UCHL5: variants seen among roughly 807,000 people sequenced by gnomAD.
UCHL5 encodes the protein ubiquitin C-terminal hydrolase L5.
UCHL5 carries 34 observed loss-of-function variants against 53.8 expected under a neutral mutation model. That is an observed-to-expected ratio of 0.63 (90% CI 0.48 to 0.84). UCHL5 has a LOEUF of 0.84. Among genes scored for constraint, UCHL5 ranks in the 40% least tolerant of loss-of-function variants. The pLI is 0.00. For missense variants in UCHL5, 290 were observed against 385.6 expected (o/e 0.75, Z 2.08); for synonymous variants, 111 against 126.3 (o/e 0.88, Z 0.81).
At chr1:193,026,688 G>C in intron 7 of UCHL5, among the ~76,000 whole-genome samples, 1 of 149,770 alleles carries the variant, frequency 6.7e-6, no homozygotes, top group Non-Finnish European at 1.5e-5. Flanking sequence ...GAGTTTGGTA[G>C]TTTCTTAAAA....
intron 3 of UCHL5, among the ~76,000 whole-genome samples, chr1:193,037,151 C>T (rs952152602): frequency 6.6e-6 from 1 of 151,132 alleles, no homozygotes; most frequent in Non-Finnish European, 1.5e-5. Flanking sequence ...AAGATCAGAG[C>T]AGAAATCAAT....
rs771001053 is a variant in UCHL5, at chr1:193,059,303, C to T, written c.-43G>A. On this transcript the variant is annotated 5_prime_UTR_variant, in exon 1 of 11. Coordinates refer to ENST00000367454, the MANE Select transcript of UCHL5 (RefSeq NM_001199261.3). This position sits in a 1 kb window ranked among gnomAD's most constrained non-coding sequence, Gnocchi z 4.9. ...GCCCCGATCCACCTCTCGCTCTCAG[C>T]TGCCCCCCGCACCAGCTGCCGCCGG... The T allele has an allele frequency of 1.9e-6, 3 of 1,610,360 alleles. No homozygotes were observed. Among genetic ancestry groups the T allele is most frequent in the South Asian group, 2.2e-5 (2 of 90,596 alleles).
chr1:193,036,566 T>C (rs1284002379), intron 3 of UCHL5, among the ~76,000 whole-genome samples: 1 of 151,954 alleles, frequency 6.6e-6, no homozygotes, highest in African/African-American at 2.4e-5. Context: ...CTCTGACAGA[T>C]CATGCAAACA....
chr1:193,038,324 C>T (rs1664315937), intron 3 of UCHL5, among the ~76,000 whole-genome samples: 2 of 151,896 alleles, frequency 1.3e-5, no homozygotes, highest in South Asian at 4.2e-4. Context: ...GGCATGGTGG[C>T]GGACGCCTGT....
chr1:193,016,345 A>T lies in UCHL5; in HGVS notation c.*6T>A. On this transcript the variant is annotated 3_prime_UTR_variant, in exon 11 of 11. Coordinates refer to ENST00000367454, the MANE Select transcript of UCHL5 (RefSeq NM_001199261.3). ...AGCAGAAATGTGTACATATCTGAAA[A>T]CATCTTCATTTGGTTTCCTGAGCTT... The T allele has an allele frequency of 1.2e-6, 2 of 1,604,916 alleles. No homozygotes were observed. Among genetic ancestry groups the T allele is most frequent in the Admixed American group, 3.5e-5 (2 of 57,508 alleles).
intron 7 of UCHL5, among the ~76,000 whole-genome samples, chr1:193,027,487 C>A (rs1558036386): frequency 6.6e-6 from 1 of 151,992 alleles, no homozygotes; most frequent in Non-Finnish European, 1.5e-5. Context: ...GAGTTTGAGA[C>A]AAGCCTGGAG....
chr1:193,040,316 T>A (rs992616975), intron 3 of UCHL5, among the ~76,000 whole-genome samples: 1 of 151,902 alleles, frequency 6.6e-6, no homozygotes, highest in African/African-American at 2.4e-5. Flanking sequence ...ATAAAAAAAA[T>A]CAGATTTAAA....
chr1:193,049,711 C>T, intron 3 of UCHL5, 35 bp downstream of exon 3: 1 of 1,530,102 alleles, frequency 6.5e-7, no homozygotes, highest in Non-Finnish European at 8.9e-7. Context: ...AAAAGGGTTG[C>T]TCTTGAGACT....
intron 3 of UCHL5, among the ~76,000 whole-genome samples, chr1:193,040,645 A>T (rs979245809): frequency 6.6e-6 from 1 of 152,262 alleles, no homozygotes; most frequent in Non-Finnish European, 1.5e-5. Context: ...CTGGGTATAC[A>T]GATCCGAAAG....
intron 7 of UCHL5, chr1:193,027,842 G>C (rs1659890123): frequency 7.6e-7 from 1 of 1,312,914 alleles, no homozygotes; most frequent in Non-Finnish European, 1.0e-6. Flanking sequence ...TAGATGTTTG[G>C]CTGGGCACAG....
intron 9 of UCHL5, among the ~76,000 whole-genome samples, chr1:193,022,003 C>T (rs1043661704): frequency 6.6e-6 from 1 of 152,012 alleles, no homozygotes; most frequent in African/African-American, 2.4e-5. Flanking sequence ...TAGTTAATTA[C>T]ATAATAAACA....
chr1:193,032,486 A>C (rs1476182249), intron 3 of UCHL5, among the ~76,000 whole-genome samples: 1 of 152,202 alleles, frequency 6.6e-6, no homozygotes, highest in South Asian at 2.1e-4. Flanking sequence ...TCATGACTAA[A>C]ACACCAAAAG....
upstream of UCHL5, chr1:193,059,444 T>C: frequency 6.2e-7 from 1 of 1,609,452 alleles, no homozygotes; most frequent in Non-Finnish European, 8.5e-7. This position sits in a 1 kb window ranked among gnomAD's most constrained non-coding sequence, Gnocchi z 4.9. Flanking sequence ...GAGGACGCTC[T>C]AGCCACCCTA....
At chr1:193,016,968 G>C (rs1423799774) in intron 10 of UCHL5, among the ~76,000 whole-genome samples, 3 of 151,668 alleles carry the variant, frequency 2.0e-5, no homozygotes, top group Non-Finnish European at 4.4e-5. Context: ...TTATTCTTTA[G>C]CAAATGAAAA....
intron 10 of UCHL5, among the ~76,000 whole-genome samples, chr1:193,019,374 C>T (rs1656051696): frequency 6.6e-6 from 1 of 151,630 alleles, no homozygotes; most frequent in African/African-American, 2.4e-5. Flanking sequence ...AATATCCTCG[C>T]AGCTAGATAA....
At chr1:193,054,104 C>T (rs559728994) in intron 1 of UCHL5, among the ~76,000 whole-genome samples, 2 of 151,776 alleles carry the variant, frequency 1.3e-5, no homozygotes, top group Non-Finnish European at 2.9e-5. Flanking sequence ...AAACCAGAAC[C>T]CTGTTCCAAA....
rs746140815 is a variant in UCHL5, at chr1:193,049,843, T to C, written c.149A>G (p.His50Arg). The change falls in exon 3 of 11, where the codon CAT becomes CGT. Residue 50 changes from histidine (H) to arginine (R), a missense_variant. His to Arg is a conservative substitution (Grantham distance 29). Transcript: ENST00000367454. Reference sequence around the variant, plus strand: ...CCACTTGAAAAGAAAAATTAACCCATGAACTGGCCTACAAAATAAAATACA... The same window carrying C: ...CCACTTGAAAAGAAAAATTAACCCACGAACTGGCCTACAAAATAAAATACA... ...PENFEKLKPV[H>R]GLIFLFKWQP... 6.2e-7 allele frequency: 1 copy of C among 1,608,748 alleles called. No homozygotes were observed. The highest frequency in any genetic ancestry group is 8.5e-7 in the Non-Finnish European group (1 of 1,176,366).
chr1:193,053,835 T>C (rs1669814073), intron 1 of UCHL5, among the ~76,000 whole-genome samples: 1 of 152,202 alleles, frequency 6.6e-6, no homozygotes, highest in Non-Finnish European at 1.5e-5. Context: ...AGCATGGTAC[T>C]AGGCCCTGGC....
At position 193,049,772 on chromosome 1, in the gene UCHL5, G is replaced by A. The variant is rs1270108114; in HGVS notation, c.220C>T (p.Leu74Phe). Residue 74 changes from leucine to phenylalanine, a missense_variant, in exon 3 of 11, where the codon CTT (leucine) becomes TTT (phenylalanine). By Grantham distance (22) the Leu-to-Phe change is conservative (BLOSUM62 0). Transcript: ENST00000367454. ...PAGSVVQDSR[L>F]DTIFFAKQVI... The stretch of plus-strand genomic sequence containing the variant: ...TGCTTAGCAAAAAATATCGTGTCAA[G>A]TCGGGAGTCCTGAACCACAGAGCCT... 6.2e-7 allele frequency: 1 copy of A among 1,612,414 alleles called. No individual in the cohort carries two copies. Among genetic ancestry groups the A allele is most frequent in the Non-Finnish European group, 8.5e-7 (1 of 1,178,972 alleles).
Sources: allele counts gnomAD v4.1 joint callset (sites outside exome capture counted in the v4.1 genomes callset), GRCh38; gene constraint gnomAD v4.1.1; non-coding constraint Gnocchi (gnomAD v3.1); transcripts MANE v1.5; gene names NCBI Gene and HGNC (gene_info 2026-07-23, HGNC 2026-07-21).